Variants in ARID1A observed in about 807,000 individuals in gnomAD.
ARID1A encodes the protein AT-rich interactive domain-containing protein 1A.
ARID1A carries 20 observed loss-of-function variants against 212.6 expected under a neutral mutation model. The observed-to-expected ratio is 0.09, with a 90% CI of 0.07 to 0.14. The LOEUF is 0.14. Among genes scored for constraint, ARID1A ranks in the 10% least tolerant of loss-of-function variants. The probability of loss-of-function intolerance (pLI) is 1.00; values close to 1 mark genes in which losing one functional copy is unlikely to be tolerated. For synonymous variants in ARID1A, 1,376 were observed against 1,222.1 expected, an observed-to-expected ratio of 1.13 and a Z score of -2.63; for missense variants, 2,587 against 3,059.0, an observed-to-expected ratio of 0.85 and a Z score of 3.64.
intron 4 of ARID1A, among the ~76,000 whole-genome samples, chr1:26,749,899 T>A (rs2080869940): frequency 2.0e-5 from 3 of 152,066 alleles, no homozygotes; most frequent in Non-Finnish European, 4.4e-5. Context: ...GGTACTGGGG[T>A]ATAGGATGGG....
At chr1:26,724,325 C>G (rs541121447) in intron 1 of ARID1A, among the ~76,000 whole-genome samples, 29 of 152,296 alleles carry the variant, frequency 1.9e-4, no homozygotes, top group African/African-American at 6.7e-4. Flanking sequence ...TGGCCCTTGG[C>G]ACTGTTGAGT....
intron 3 of ARID1A, 27 bp from the exon 4 acceptor site, chr1:26,732,649 T>A (rs1191699039): frequency 6.4e-7 from 1 of 1,562,106 alleles, no homozygotes. Context: ...TACCAGGCCA[T>A]CACAGCTTTT....
chr1:26,747,022 CAG>C (rs1292693268), intron 4 of ARID1A, among the ~76,000 whole-genome samples: 1 of 152,062 alleles, frequency 6.6e-6, no homozygotes, highest in Non-Finnish European at 1.5e-5. Context: ...AGCCTGGTGA[CAG>C]AGTAAGACTC....
chr1:26,752,963 A>G (rs2080897991), intron 4 of ARID1A: 2 of 152,234 alleles, frequency 1.3e-5, no homozygotes, highest in African/African-American at 2.4e-5. Flanking sequence ...GGATTCCCCA[A>G]GGATTTAGCC....
At position 26,697,020 on chromosome 1, in the gene ARID1A, G is replaced by GTACAA; in HGVS notation, c.617_618insTACAA (p.Phe207ThrfsTer27). On this transcript the variant is annotated frameshift_variant, in exon 1 of 20. Coordinates refer to ENST00000324856, the MANE Select transcript of ARID1A (RefSeq NM_006015.6). LOFTEE classifies it high-confidence loss of function. ...CCCCAGCAGAACTCTCACGACCACG[G>GTACAA]CTTCCCCAACCACCAGTACAACTCC... The GTACAA allele has an allele frequency of 6.5e-7, 1 of 1,535,436 alleles. No homozygotes were observed. The highest frequency in any genetic ancestry group is 8.7e-7 in the Non-Finnish European group (1 of 1,144,986).
Position 26,781,708 on chromosome 1 carries a change from G to A in ARID1A, c.*952G>A, listed in dbSNP as rs960857696. ...TTATAGTATGACGAGTTAACAAGTT[G>A]GTGACCTGCACAAAGCGAGACACAG... On this transcript the variant is annotated 3_prime_UTR_variant, in exon 20 of 20. Transcript: ENST00000324856. 1 of 233,624 alleles carries A rather than the reference G, an allele frequency of 4.3e-6. No individual in the cohort carries two copies. Among genetic ancestry groups the A allele is most frequent in the South Asian group, 1.8e-4 (1 of 5,532 alleles). 14.5% of individuals were successfully genotyped at this position (233,624 alleles called of 1,614,324 possible). A position where few individuals can be genotyped will look rare whatever the true frequency, so the allele number is the denominator to read the frequency against.
intron 8 of ARID1A, chr1:26,764,647 A>T (rs1320572182): frequency 6.6e-6 from 1 of 152,214 alleles, no homozygotes; most frequent in Non-Finnish European, 1.5e-5. Flanking sequence ...GAACTTCAGA[A>T]TGATGGAAGT....
intron 1 of ARID1A, among the ~76,000 whole-genome samples, chr1:26,713,167 A>G (rs1364152681): frequency 6.6e-6 from 1 of 152,110 alleles, no homozygotes; most frequent in Non-Finnish European, 1.5e-5. Context: ...TTTAAACTCT[A>G]TCACTTTTAA....
chr1:26,696,119 T>C lies in ARID1A; in HGVS notation c.-285T>C. ...TTCCCAGGCAAGGGCTTGGGGGGAA[T>C]GAGCCGGGAGAGCCGGGTCCCGAGC... On this transcript the variant is annotated 5_prime_UTR_variant, in exon 1 of 20. An upstream start codon of the reference 5' UTR is lost. Transcript: ENST00000324856. 1 of 464,612 alleles carries C rather than the reference T, an allele frequency of 2.2e-6. No homozygotes were observed. 28.8% of individuals were successfully genotyped at this position (464,612 alleles called of 1,614,324 possible). A position where few individuals can be genotyped will look rare whatever the true frequency, so the allele number is the denominator to read the frequency against.
At chr1:26,762,431 C>A in intron 7 of ARID1A, 112 bp downstream of exon 7, 1 of 1,252,814 alleles carries the variant, frequency 8.0e-7, no homozygotes, top group Non-Finnish European at 1.1e-6. Flanking sequence ...TGTCCTTTGC[C>A]TTTAATCCAC....
chr1:26,779,009 C>CT lies in ARID1A; in HGVS notation c.5125-11dup. On this transcript the variant is annotated splice_polypyrimidine_tract_variant and intron_variant, in intron 19 of 19. Coordinates refer to ENST00000324856, the MANE Select transcript of ARID1A (RefSeq NM_006015.6). Reference sequence around the variant, plus strand: ...TTTCTCCCTTAATTTATTTCCTGTTCTTTCTCTTTTTAGCTCCCAGGGTTG... The same window carrying CT: ...TTTCTCCCTTAATTTATTTCCTGTTCTTTTCTCTTTTTAGCTCCCAGGGTTG... 6.7e-7 allele frequency: 1 copy of CT among 1,498,360 alleles called. No homozygotes were observed. The highest frequency in any genetic ancestry group is 1.4e-5 in the South Asian group (1 of 69,832). 92.8% of individuals were successfully genotyped at this position (1,498,360 alleles called of 1,614,324 possible). A position where few individuals can be genotyped will look rare whatever the true frequency, so the allele number is the denominator to read the frequency against.
intron 1 of ARID1A, among the ~76,000 whole-genome samples, chr1:26,707,576 C>G (rs1346919394): frequency 6.6e-6 from 1 of 152,088 alleles, no homozygotes; most frequent in African/African-American, 2.4e-5. Flanking sequence ...CTCCTGACCT[C>G]AGGTGATCCG....
Position 26,696,892 on chromosome 1 carries a change from C to T in ARID1A, c.489C>T (p.Ala163=). 1.5e-6 allele frequency: 2 copies of T among 1,367,364 alleles called. No individual in the cohort carries two copies. The highest frequency in any genetic ancestry group is 1.9e-6 in the Non-Finnish European group (2 of 1,060,430). The allele number at this position is 1,367,364 out of a possible 1,614,324, so 84.7% of individuals were successfully genotyped here. ...GCCGGAGCCCGTCTGCCGTCGCCGC[C>T]GCCGCGGCCGCCGTCTTCCACCAAC... The part of the protein sequence containing the change: ...PYGRSPSAVA[A]AAAAVFHQQH... Residue 163 remains alanine (A), a synonymous_variant, in exon 1 of 20, where the codon GCC becomes GCT. Transcript: ENST00000324856.
At chr1:26,701,846 G>A (rs749712061) in intron 1 of ARID1A, among the ~76,000 whole-genome samples, 2 of 152,154 alleles carry the variant, frequency 1.3e-5, no homozygotes, top group Non-Finnish European at 2.9e-5. Flanking sequence ...CTGTTGCCTT[G>A]AAACTGTTAA....
In ARID1A at chr1:26,729,718, C is replaced by T. The variant is rs1451681971; in HGVS notation, c.1205C>T (p.Ser402Leu). Residue 402 changes from serine to leucine, a missense_variant, in exon 2 of 20, where the codon TCG becomes TTG. By Grantham distance (145) the Ser-to-Leu change is moderately radical. This residue lies in a region of ARID1A where 674 missense variants were observed against 813.4 expected (regional missense o/e 0.83). Transcript: ENST00000324856. ...PQPYGGTNPY[S>L]QQQGPPSGPQ... ...CCATATGGCGGGACTAACCCATACT[C>T]GCAGCAACAGGGACCTCCGTCAGGA... 14 of 1,614,106 alleles carry T rather than the reference C, an allele frequency of 8.7e-6. No individual in the cohort carries two copies. Among genetic ancestry groups the T allele is most frequent in the African/African-American group, 2.7e-5 (2 of 74,946 alleles).
At position 26,776,044 on chromosome 1, in the gene ARID1A, G is replaced by T. The variant is rs914688622; in HGVS notation, c.5124+337G>T. 2.6e-5 allele frequency: 10 copies of T among 388,084 alleles called. 1 individual carries two copies. Among genetic ancestry groups the T allele is most frequent in the South Asian group, 1.8e-4 (9 of 49,386 alleles). The allele number at this position is 388,084 out of a possible 1,614,324, so 24.0% of individuals were successfully genotyped here. ...TTTTTGTTTTTTTAATAGAGACGAG[G>T]TCTCACTATGTTGCCGAGGTTCATG... On this transcript the variant is annotated intron_variant, in intron 19 of 19. Transcript: ENST00000324856.
chr1:26,719,689 C>T (rs1024034461), intron 1 of ARID1A, among the ~76,000 whole-genome samples: 5 of 151,872 alleles, frequency 3.3e-5, no homozygotes, highest in Non-Finnish European at 7.4e-5. Context: ...GCCTGTAATC[C>T]CAGCACTTTG....
intron 12 of ARID1A, chr1:26,772,222 A>G (rs966736759): frequency 6.0e-5 from 27 of 450,642 alleles, no homozygotes; most frequent in Non-Finnish European, 1.1e-4. Flanking sequence ...AGAAATAGCC[A>G]GGGAAGCTGG....
At chr1:26,766,603 T>C in intron 10 of ARID1A, 37 bp downstream of exon 10, 4 of 1,549,306 alleles carry the variant, frequency 2.6e-6, no homozygotes, top group Non-Finnish European at 3.5e-6. Flanking sequence ...CAACTTTGTG[T>C]CCTATCTTTT....
Sources: allele counts gnomAD v4.1 joint callset (sites outside exome capture counted in the v4.1 genomes callset), GRCh38; gene constraint gnomAD v4.1.1; regional missense constraint gnomAD v4.1.1; transcripts MANE v1.5; gene names NCBI Gene and HGNC (gene_info 2026-07-23, HGNC 2026-07-21).